UBE2L3: variants seen among roughly 807,000 people sequenced by gnomAD.
The protein encoded by UBE2L3 is ubiquitin-conjugating enzyme E2 L3.
UBE2L3 carries 1 observed loss-of-function variant against 17.8 expected under a neutral mutation model. The ratio of observed to expected loss-of-function variants is 0.06; its 90% CI spans 0.02 to 0.27. The LOEUF (loss-of-function observed/expected upper bound fraction) is 0.27, where lower values mean the gene tolerates loss of function less well. UBE2L3 is among the 10% of genes least tolerant of loss of function. UBE2L3 has a pLI of 1.00. For synonymous variants in UBE2L3, 44 were observed against 68.5 expected (o/e 0.64, Z 1.76); for missense variants, 40 against 192.6 (o/e 0.21, Z 4.69).
intron 2 of UBE2L3, among the ~76,000 whole-genome samples, chr22:21,596,135 A>T (rs907882725): frequency 6.6e-6 from 1 of 152,196 alleles, no homozygotes; most frequent in African/African-American, 2.4e-5. Context: ...AAGTGCTGGG[A>T]TTACAAGCGT....
upstream of UBE2L3, among the ~76,000 whole-genome samples, chr22:21,565,343 C>T (rs1173932610): frequency 2.0e-5 from 3 of 151,720 alleles, no homozygotes; most frequent in African/African-American, 7.3e-5. Context: ...CCACCCACCT[C>T]GGCTTCCCAA....
chr22:21,570,152 G>A (rs925398414), intron 1 of UBE2L3, among the ~76,000 whole-genome samples: 1 of 152,102 alleles, frequency 6.6e-6, no homozygotes, highest in Non-Finnish European at 1.5e-5. Flanking sequence ...TTACAGACTT[G>A]TCTTTCCTGT....
At chr22:21,597,906 C>T (rs1409412743) in intron 2 of UBE2L3, among the ~76,000 whole-genome samples, 3 of 148,062 alleles carry the variant, frequency 2.0e-5, no homozygotes, top group African/African-American at 7.4e-5. Flanking sequence ...CCTCCCACCT[C>T]AGCCTCCAGA....
chr22:21,574,695 G>A (rs1033027701), intron 1 of UBE2L3, among the ~76,000 whole-genome samples: 14 of 152,170 alleles, frequency 9.2e-5, no homozygotes, highest in Non-Finnish European at 5.9e-5. Context: ...GGCCAGGCGC[G>A]GTGGCTCATG....
chr22:21,621,474 A>T lies in UBE2L3; in HGVS notation c.311-41A>T, dbSNP rs1930034629. 2.6e-6 allele frequency: 4 copies of T among 1,540,628 alleles called. No individual in the cohort carries two copies. In the East Asian group the frequency reaches 9.6e-5, roughly 37 times the overall value. On this transcript the variant is annotated intron_variant, in intron 3 of 3. Transcript: ENST00000342192. ...CTGCCTCTTGCCTGTGCCATTTCTG[A>T]GACTGTGTTAACCCCCCATGCCTTG...
At position 21,567,831 on chromosome 22, in the gene UBE2L3, C is replaced by T. The variant is rs1335400086; in HGVS notation, c.27+60C>T. On this transcript the variant is annotated intron_variant, in intron 1 of 3. Transcript: ENST00000342192. ...GGCGGCGTCCTAGGCTCCGGATCCCCGAGGCAGGCGGCGGCTTCTCAGGGC... is the reference window on the plus strand; with the variant it reads ...GGCGGCGTCCTAGGCTCCGGATCCCTGAGGCAGGCGGCGGCTTCTCAGGGC... 4.5e-6 allele frequency: 7 copies of T among 1,556,988 alleles called. No individual in the cohort carries two copies. The Admixed American group carries it at 1.2e-4, about 26-fold the overall frequency.
chr22:21,607,085 C>CT, intron 2 of UBE2L3, among the ~76,000 whole-genome samples: 1 of 152,284 alleles, frequency 6.6e-6, no homozygotes, highest in South Asian at 2.1e-4. Flanking sequence ...CAGGGCAGGG[C>CT]TTGGATGTAG....
At chr22:21,567,910 G>T (rs1926723801) in intron 1 of UBE2L3, 139 bp downstream of exon 1, 1 of 1,508,160 alleles carries the variant, frequency 6.6e-7, no homozygotes, top group South Asian at 1.3e-5. Flanking sequence ...TGGGCCGCGC[G>T]CAGGCTCAAG....
chr22:21,584,178 ATTT>A (rs374588807), intron 1 of UBE2L3, among the ~76,000 whole-genome samples: 2 of 132,774 alleles, frequency 1.5e-5, no homozygotes, highest in Admixed American at 7.6e-5. Context: ...TCTGGCCTAA[ATTT>A]TTTTTTTTTT....
chr22:21,577,109 C>T (rs1927355564), intron 1 of UBE2L3, among the ~76,000 whole-genome samples: 2 of 152,122 alleles, frequency 1.3e-5, no homozygotes, highest in South Asian at 2.1e-4. Flanking sequence ...GCTGGGACTA[C>T]AGGCGCTCGC....
chr22:21,607,330 A>G (rs1256459757), intron 2 of UBE2L3, among the ~76,000 whole-genome samples: 1 of 151,572 alleles, frequency 6.6e-6, no homozygotes, highest in Non-Finnish European at 1.5e-5. Context: ...AACATGGTGA[A>G]ACCCCATCTC....
At chr22:21,570,041 G>A (rs1321495056) in intron 1 of UBE2L3, among the ~76,000 whole-genome samples, 7 of 152,180 alleles carry the variant, frequency 4.6e-5, no homozygotes. Context: ...CTGTGAGCCC[G>A]TGCTCCCACA....
intron 1 of UBE2L3, among the ~76,000 whole-genome samples, chr22:21,551,964 CA>C (rs1203587086): frequency 8.7e-6 from 1 of 115,294 alleles, no homozygotes; most frequent in East Asian, 2.5e-4. Flanking sequence ...GCAGAAGAAA[CA>C]TACATACACA....
intron 3 of UBE2L3, among the ~76,000 whole-genome samples, chr22:21,611,577 C>T (rs1312586125): frequency 6.6e-6 from 1 of 152,128 alleles, no homozygotes; most frequent in Non-Finnish European, 1.5e-5. Flanking sequence ...ACGTAGTTGG[C>T]TTTAGTGGGC....
chr22:21,619,909 C>G (rs1056541323), intron 3 of UBE2L3, among the ~76,000 whole-genome samples: 14 of 152,290 alleles, frequency 9.2e-5, no homozygotes, highest in African/African-American at 3.4e-4. Context: ...CCAGGCTGGT[C>G]TTGAGCTCCT....
At chr22:21,576,131 TTG>T (rs1274592940) in intron 1 of UBE2L3, among the ~76,000 whole-genome samples, 3 of 150,322 alleles carry the variant, frequency 2.0e-5, no homozygotes, top group Non-Finnish European at 3.0e-5. Context: ...TTTTTTTTTT[TTG>T]AGGCGGAGTC....
chr22:21,578,413 A>G (rs927217312), intron 1 of UBE2L3, among the ~76,000 whole-genome samples: 1 of 151,762 alleles, frequency 6.6e-6, no homozygotes, highest in African/African-American at 2.4e-5. Context: ...AGCTTCCTGA[A>G]GGATTCTCCA....
At chr22:21,560,145 C>G (rs2148391289) in intron 1 of UBE2L3, among the ~76,000 whole-genome samples, 1 of 152,302 alleles carries the variant, frequency 6.6e-6, no homozygotes, top group East Asian at 1.9e-4. Flanking sequence ...GAATCCTCCC[C>G]ATAGCCAGAG....
intron 1 of UBE2L3, among the ~76,000 whole-genome samples, chr22:21,590,543 A>G (rs1225888681): frequency 1.3e-5 from 2 of 152,246 alleles, no homozygotes; most frequent in East Asian, 3.8e-4. Context: ...CTGAAACCAT[A>G]AAGTATATTT....
Sources: allele counts gnomAD v4.1 joint callset (sites outside exome capture counted in the v4.1 genomes callset), GRCh38; gene constraint gnomAD v4.1.1; transcripts MANE v1.5; gene names NCBI Gene and HGNC (gene_info 2026-07-23, HGNC 2026-07-21).